Variants in CEP68 observed in about 807,000 individuals in gnomAD.
CEP68 encodes the protein centrosomal protein of 68 kDa.
A neutral mutation model predicts 55.3 loss-of-function variants in CEP68; 26 were observed. The observed-to-expected ratio is 0.47, with a 90% CI of 0.34 to 0.65. CEP68 has a LOEUF of 0.65. CEP68 is among the 30% of genes least tolerant of loss of function. The probability of loss-of-function intolerance (pLI) is 0.01; values close to 1 mark genes in which losing one functional copy is unlikely to be tolerated. For missense variants in CEP68, 957 were observed against 946.7 expected (o/e 1.01, Z -0.14); for synonymous variants, 402 against 383.2 (o/e 1.05, Z -0.57).
At chr2:65,076,948 C>T (rs1676791435) in intron 4 of CEP68, among the ~76,000 whole-genome samples, 1 of 150,578 alleles carries the variant, frequency 6.6e-6, no homozygotes, top group African/African-American at 2.4e-5. Context: ...AAATCAGTCA[C>T]CAAGTTCTAC....
Position 65,082,622 on chromosome 2 carries a change from T to C in CEP68, c.2191T>C (p.Ser731Pro). 6.2e-7 allele frequency: 1 copy of C among 1,612,230 alleles called. No homozygotes were observed. Among genetic ancestry groups the C allele is most frequent in the Non-Finnish European group, 8.5e-7 (1 of 1,179,386 alleles). Residue 731 changes from serine (S) to proline (P), a missense_variant, in exon 6 of 7, where the codon TCT (serine) becomes CCT (proline). Ser to Pro is a moderately conservative substitution (Grantham distance 74). Transcript: ENST00000377990. ...TCGCCTGTATGACTCTATCTTGGCC[T>C]CTCTGGACATGCTGGCTGGCTGCAC... is the stretch of plus-strand genomic sequence containing the variant. ...ADRLYDSILA[S>P]LDMLAGCTLI...
chr2:65,072,235 C>G lies in CEP68; in HGVS notation c.1139C>G (p.Ser380Cys). 1 of 1,614,178 alleles carries G rather than the reference C, an allele frequency of 6.2e-7. No homozygotes were observed. The highest frequency in any genetic ancestry group is 8.5e-7 in the Non-Finnish European group (1 of 1,180,034). ...PREPSLKQWP[S>C]RVPQKQGGMG... ...GAGCCAAGCCTTAAGCAGTGGCCCT[C>G]CAGAGTACCCCAGAAACAGGGTGGC... Residue 380 changes from serine (S) to cysteine (C), a missense_variant, in exon 3 of 7, where the codon TCC becomes TGC. Physicochemically the swap from Ser to Cys is moderately radical, Grantham distance 112 (BLOSUM62 -1). Coordinates refer to ENST00000377990, the MANE Select transcript of CEP68 (RefSeq NM_015147.3).
intron 1 of CEP68, among the ~76,000 whole-genome samples, chr2:65,062,458 G>T (rs775449225): frequency 3.3e-5 from 5 of 150,982 alleles, no homozygotes; most frequent in Non-Finnish European, 7.4e-5. Flanking sequence ...GCTTGAACCC[G>T]GGAGGCAGAG....
Position 65,076,644 on chromosome 2 carries a change from A to G in CEP68, c.2008-1224A>G, listed in dbSNP as rs1048325955. The stretch of plus-strand genomic sequence containing the variant: ...TTATATACTTGTATTTTGTCTTAAC[A>G]CGGGGTTGCAGCAGCACATAAACCA... On this transcript the variant is annotated intron_variant, in intron 4 of 6. Transcript: ENST00000377990. Among the ~76,000 whole-genome samples, 9 of 20,884 alleles carry G rather than the reference A, an allele frequency of 4.3e-4. No homozygotes were observed. The East Asian group carries it at 0.012, about 29-fold the overall frequency. 13.7% of individuals were successfully genotyped at this position (20,884 alleles called of 152,430 possible).
chr2:65,084,902 A>G lies in CEP68; in HGVS notation c.*1268A>G, dbSNP rs1294108406. On this transcript the variant is annotated 3_prime_UTR_variant, in exon 7 of 7. Transcript: ENST00000377990. ...AATTAAAATGGCTTATGAGTTTGCC[A>G]TATTAATCATCTTAGTTCCATACAC... 1 of 152,348 alleles carries G rather than the reference A, an allele frequency of 6.6e-6. No homozygotes were observed. The highest frequency in any genetic ancestry group is 2.4e-5 in the African/African-American group (1 of 41,586). 9.4% of individuals were successfully genotyped at this position (152,348 alleles called of 1,614,324 possible).
chr2:65,057,097 A>T (rs2540949), intron 1 of CEP68, among the ~76,000 whole-genome samples: 59,164 of 152,154 alleles, frequency 0.39, 11,657 homozygotes, highest in Middle Eastern at 0.49. Flanking sequence ...TCTAACTGTC[A>T]TCACTAGAAC....
In CEP68 at chr2:65,072,772, T is replaced by A. The variant is rs759227639; in HGVS notation, c.1676T>A (p.Leu559Gln). 1 of 1,614,100 alleles carries A rather than the reference T, an allele frequency of 6.2e-7. No individual in the cohort carries two copies. The highest frequency in any genetic ancestry group is 1.1e-5 in the South Asian group (1 of 91,074). Residue 559 changes from leucine to glutamine, a missense_variant, in exon 3 of 7, where the codon CTG (leucine) becomes CAG (glutamine). Transcript: ENST00000377990. ...CCTGAGGGCCAGAATCCCTGTTTCC[T>A]GCGCTCCTTCGTCCGTGCCCACGAC... ...GDPEGQNPCF[L>Q]RSFVRAHDSA...
chr2:65,077,797 G>A, intron 4 of CEP68, 71 bp from the exon 5 acceptor site: 1 of 1,185,214 alleles, frequency 8.4e-7, no homozygotes, highest in Non-Finnish European at 1.2e-6. Context: ...TACATGCTGT[G>A]CTTTTCAAAT....
In CEP68 at chr2:65,072,884, G is replaced by A. The variant is rs774754468; in HGVS notation, c.1788G>A (p.Arg596=). The A allele has an allele frequency of 1.2e-6, 2 of 1,614,230 alleles. No individual in the cohort carries two copies. Among genetic ancestry groups the A allele is most frequent in the Admixed American group, 1.7e-5 (1 of 60,032 alleles). Residue 596 remains arginine, a synonymous_variant, in exon 3 of 7, where the codon AGG becomes AGA. Coordinates refer to ENST00000377990, the MANE Select transcript of CEP68 (RefSeq NM_015147.3). ...LLKTRPSLPA[R]LDRWPFSDPD... ...AAACACGCCCCTCCTTGCCAGCTAG[G>A]TTGGACCGGTGGCCATTCTCAGACC...
intron 4 of CEP68, among the ~76,000 whole-genome samples, chr2:65,075,764 G>A (rs2103787042): frequency 6.6e-6 from 1 of 152,244 alleles, no homozygotes; most frequent in East Asian, 1.9e-4. Flanking sequence ...CTGAGCCTGA[G>A]GCTAGTCTGG....
chr2:65,066,007 G>T (rs1389346423), intron 1 of CEP68, among the ~76,000 whole-genome samples: 1 of 151,930 alleles, frequency 6.6e-6, no homozygotes, highest in East Asian at 1.9e-4. Flanking sequence ...ACTCAAATGG[G>T]TTCAAGTTCG....
rs1430457838 is a variant in CEP68 at position 65,072,152 on chromosome 2, T to C, written c.1056T>C (p.Asn352=). 6.2e-7 allele frequency: 1 copy of C among 1,613,842 alleles called. No individual in the cohort carries two copies. Among genetic ancestry groups the C allele is most frequent in the Non-Finnish European group, 8.5e-7 (1 of 1,179,988 alleles). ...CAAGCACCCTCAAATCACCTACTAA[T>C]GTCTCCCCCAACTGCCCACCAGCAG... is the stretch of plus-strand genomic sequence containing the variant. ...SPASTLKSPT[N]VSPNCPPAEA... is the part of the protein sequence containing the mutation. Residue 352 remains asparagine (N), a synonymous_variant, in exon 3 of 7, where the codon AAT becomes AAC. Coordinates refer to ENST00000377990, the MANE Select transcript of CEP68 (RefSeq NM_015147.3).
chr2:65,058,373 T>G (rs1258823916), intron 1 of CEP68, among the ~76,000 whole-genome samples: 1 of 151,784 alleles, frequency 6.6e-6, no homozygotes, highest in Non-Finnish European at 1.5e-5. Flanking sequence ...CCAGCTAATT[T>G]TCTATTTTGT....
At chr2:65,057,517 G>A (rs545496823) in intron 1 of CEP68, among the ~76,000 whole-genome samples, 2 of 152,276 alleles carry the variant, frequency 1.3e-5, no homozygotes, top group African/African-American at 4.8e-5. Context: ...GCTTTTTAAA[G>A]CACTTCCCCA....
intron 1 of CEP68, among the ~76,000 whole-genome samples, chr2:65,056,741 T>C (rs1675618518): frequency 6.6e-6 from 1 of 151,956 alleles, no homozygotes; most frequent in Admixed American, 6.6e-5. Flanking sequence ...TGCCTTCGCC[T>C]CCATCTTGCG....
intron 1 of CEP68, among the ~76,000 whole-genome samples, chr2:65,060,066 T>C (rs1324542244): frequency 2.6e-5 from 4 of 152,106 alleles, no homozygotes; most frequent in African/African-American, 7.2e-5. Context: ...TGTAATAAGA[T>C]TTTTAATAAC....
intron 3 of CEP68, 90 bp from the exon 4 acceptor site, chr2:65,074,192 C>T: frequency 6.7e-7 from 1 of 1,499,854 alleles, no homozygotes; most frequent in South Asian, 1.2e-5. Context: ...CACAGTCTGT[C>T]TCCAAGTCCT....
At chr2:65,061,753 C>T (rs763566900) in intron 1 of CEP68, among the ~76,000 whole-genome samples, 2 of 152,220 alleles carry the variant, frequency 1.3e-5, no homozygotes, top group African/African-American at 2.4e-5. Context: ...CTGGCACCCA[C>T]GCCACCCTGA....
chr2:65,084,933 G>C lies in CEP68; in HGVS notation c.*1299G>C, dbSNP rs1668985006. On this transcript the variant is annotated 3_prime_UTR_variant, in exon 7 of 7. Transcript: ENST00000377990. ...ATCATCTTAGTTCCATACACACTGA[G>C]ACTTTAAAAGGGAAAAACCACTCTA... is the stretch of plus-strand genomic sequence containing the variant. 6.6e-6 allele frequency: 1 copy of C among 152,132 alleles called. No homozygotes were observed. Among genetic ancestry groups the C allele is most frequent in the Admixed American group, 6.5e-5 (1 of 15,282 alleles). The allele number at this position is 152,132 out of a possible 1,614,324, so 9.4% of individuals were successfully genotyped here.
Sources: allele counts gnomAD v4.1 joint callset (sites outside exome capture counted in the v4.1 genomes callset), GRCh38; gene constraint gnomAD v4.1.1; transcripts MANE v1.5; gene names NCBI Gene and HGNC (gene_info 2026-07-23, HGNC 2026-07-21).